The following MAF variants were observed in gnomAD, a reference collection of about 807,000 sequenced individuals.
The protein encoded by MAF is MAF bZIP transcription factor.
A neutral mutation model predicts 22.0 loss-of-function variants in MAF; 10 were observed. The ratio of observed to expected loss-of-function variants is 0.45; its 90% CI spans 0.28 to 0.77. MAF has a LOEUF of 0.77. Ranked by LOEUF, MAF falls within the 30% of genes least tolerant of loss-of-function variation. The pLI is 0.12. For synonymous variants in MAF, 337 were observed against 255.8 expected, an observed-to-expected ratio of 1.32 and a Z score of -3.03; for missense variants, 544 against 548.4, an observed-to-expected ratio of 0.99 and a Z score of 0.08.
chr16:79,572,918 C>A, the MAF span, among the ~76,000 whole-genome samples: 1 of 152,314 alleles, frequency 6.6e-6, no homozygotes, highest in South Asian at 2.1e-4. Context: ...TAAATATTAG[C>A]TGCTTAAGAG....
the MAF span, among the ~76,000 whole-genome samples, chr16:79,502,883 G>A: frequency 6.7e-6 from 1 of 150,366 alleles, no homozygotes; most frequent in African/African-American, 2.4e-5. Context: ...GTGGTTACAT[G>A]GGATAATCCA....
the MAF span, among the ~76,000 whole-genome samples, chr16:79,219,184 G>C: frequency 6.6e-6 from 1 of 152,128 alleles, no homozygotes; most frequent in East Asian, 1.9e-4. Flanking sequence ...TTCAGATGAG[G>C]GAGGCTCTGT....
the MAF span, among the ~76,000 whole-genome samples, chr16:79,462,825 G>C: frequency 1.3e-5 from 2 of 152,190 alleles, no homozygotes; most frequent in East Asian, 1.9e-4. Context: ...AAAGTAAACA[G>C]GACAAGTCAA....
chr16:79,249,768 CTCT>C, the MAF span, among the ~76,000 whole-genome samples: 1 of 151,426 alleles, frequency 6.6e-6, no homozygotes, highest in African/African-American at 2.4e-5. Flanking sequence ...CTCCCTTCCT[CTCT>C]TCTTTCCTCC....
At chr16:79,217,076 C>G in the MAF span, among the ~76,000 whole-genome samples, 3 of 152,358 alleles carry the variant, frequency 2.0e-5, no homozygotes, top group East Asian at 3.9e-4. Flanking sequence ...TCCCAGAGTG[C>G]TGGGATTACA....
the MAF span, among the ~76,000 whole-genome samples, chr16:79,410,043 A>G: frequency 3.0e-4 from 46 of 152,214 alleles, no homozygotes; most frequent in Non-Finnish European, 4.0e-4. Flanking sequence ...AACCTAACTT[A>G]GGAGTATGCA....
the MAF span, among the ~76,000 whole-genome samples, chr16:79,447,581 G>C: frequency 6.6e-6 from 1 of 152,152 alleles, no homozygotes; most frequent in East Asian, 1.9e-4. Context: ...TCTGGGCAAA[G>C]TAAATTGAAA....
the MAF span, among the ~76,000 whole-genome samples, chr16:79,224,853 A>C: frequency 7.2e-5 from 11 of 152,194 alleles, no homozygotes; most frequent in Non-Finnish European, 1.6e-4. Context: ...CTGCTCAAGG[A>C]AATAAGAGAG....
the MAF span, among the ~76,000 whole-genome samples, chr16:79,323,452 AC>A: frequency 1.3e-5 from 2 of 152,158 alleles, no homozygotes; most frequent in African/African-American, 2.4e-5. Context: ...CACCGATGCA[AC>A]TTTTTACAGA....
chr16:79,538,850 G>C, the MAF span, among the ~76,000 whole-genome samples: 1 of 120,802 alleles, frequency 8.3e-6, no homozygotes, highest in Non-Finnish European at 1.7e-5. Flanking sequence ...AAGAAAGAAA[G>C]AAAAGAAAAG....
the MAF span, among the ~76,000 whole-genome samples, chr16:79,547,109 T>A: frequency 4.3e-4 from 65 of 152,246 alleles, no homozygotes; most frequent in African/African-American, 1.4e-3. Context: ...TCTAGCACTG[T>A]TGGGGGAGGC....
the MAF span, among the ~76,000 whole-genome samples, chr16:79,454,374 C>T: frequency 6.6e-6 from 1 of 151,760 alleles, no homozygotes; most frequent in African/African-American, 2.4e-5. Flanking sequence ...TAAGAGAAGG[C>T]TACCAGAAAT....
chr16:79,459,188 C>T, the MAF span, among the ~76,000 whole-genome samples: 1 of 152,174 alleles, frequency 6.6e-6, no homozygotes, highest in Admixed American at 6.5e-5. Flanking sequence ...AGATTTGTCT[C>T]ACATAAAAGT....
At chr16:79,529,414 T>C in the MAF span, among the ~76,000 whole-genome samples, 2 of 152,154 alleles carry the variant, frequency 1.3e-5, no homozygotes, top group African/African-American at 2.4e-5. Flanking sequence ...ACATCCGCCA[T>C]AGAGAAAGTT....
the MAF span, among the ~76,000 whole-genome samples, chr16:79,492,545 A>T: frequency 2.0e-5 from 3 of 152,170 alleles, no homozygotes; most frequent in Non-Finnish European, 4.4e-5. Flanking sequence ...ACAGAAATGC[A>T]TAGATAACAG....
At chr16:79,341,773 G>C in the MAF span, among the ~76,000 whole-genome samples, 1 of 152,156 alleles carries the variant, frequency 6.6e-6, no homozygotes, top group Admixed American at 6.5e-5. Flanking sequence ...GCAGGCTGTG[G>C]CAGTCATAAA....
chr16:79,483,953 C>T, the MAF span, among the ~76,000 whole-genome samples: 4 of 152,082 alleles, frequency 2.6e-5, no homozygotes, highest in Admixed American at 2.6e-4. Flanking sequence ...GGTAGAGTGG[C>T]CAACTTGACA....
chr16:79,595,750 A>C, intron 1 of MAF: 1 of 1,057,048 alleles, frequency 9.5e-7, no homozygotes, highest in Non-Finnish European at 1.1e-6. Context: ...ATTTCTGGGG[A>C]TAGCATGATC....
the MAF span, among the ~76,000 whole-genome samples, chr16:79,430,282 G>C: frequency 5.3e-5 from 8 of 152,228 alleles, no homozygotes; most frequent in Admixed American, 1.3e-4. Context: ...AGCCTGCTCC[G>C]TTTGGAAAGC....
Sources: gnomAD v4.1 joint callset for allele counts (sites outside exome capture counted in the v4.1 genomes callset) on GRCh38, gnomAD v4.1.1 for gene constraint, MANE v1.5 for transcripts, NCBI Gene and HGNC (gene_info 2026-07-23, HGNC 2026-07-21) for gene names.